Variants in GALNT15 observed in about 807,000 individuals in gnomAD.
GALNT15 encodes the protein polypeptide N-acetylgalactosaminyltransferase 15.
A neutral mutation model predicts 66.8 loss-of-function variants in GALNT15; 67 were observed. The observed-to-expected ratio is 1.00, with a 90% CI of 0.82 to 1.23. The LOEUF (loss-of-function observed/expected upper bound fraction) is 1.23, where lower values mean the gene tolerates loss of function less well. Ranked by LOEUF, GALNT15 falls within the 50% of genes most tolerant of loss-of-function variation. The pLI is 0.00. For missense variants in GALNT15, 827 were observed against 804.3 expected (o/e 1.03, Z -0.34); for synonymous variants, 313 against 311.5 (o/e 1.00, Z -0.05).
At position 16,181,712 on chromosome 3, in the gene GALNT15, G is replaced by A. The variant is rs2063473198; in HGVS notation, c.539+6022G>A. Among the ~76,000 whole-genome samples, 1 of 152,118 alleles carries A rather than the reference G, an allele frequency of 6.6e-6. No homozygotes were observed. The highest frequency in any genetic ancestry group is 1.5e-5 in the Non-Finnish European group (1 of 68,026). On this transcript the variant is annotated intron_variant, in intron 1 of 9. Transcript: ENST00000339732. This position sits in a 1 kb window ranked among gnomAD's most constrained non-coding sequence, Gnocchi z 5.9. ...GAGCAGACATGCCCTTCGGGATGAG[G>A]GACAAGAACAGGAACAAGCTGGGCT... is the stretch of plus-strand genomic sequence containing the variant.
At position 16,227,393 on chromosome 3, in the gene GALNT15, G is replaced by C; in HGVS notation, c.1813G>C (p.Glu605Gln). 6.2e-7 allele frequency: 1 copy of C among 1,613,950 alleles called. No individual in the cohort carries two copies. Among genetic ancestry groups the C allele is most frequent in the Non-Finnish European group, 8.5e-7 (1 of 1,179,980 alleles). ...CCACATTCTTTCTGGGAAATGCATG[G>C]AAGCTGTGGTGCAAGAAAACAATAA... ...IVHILSGKCM[E>Q]AVVQENNKDL... Residue 605 changes from glutamate to glutamine, a missense_variant, in exon 10 of 10, where the codon GAA (glutamate) becomes CAA (glutamine). By Grantham distance (29) the Glu-to-Gln change is conservative (BLOSUM62 2). Transcript: ENST00000339732. The surrounding 1 kb of genome is among the most constrained non-coding windows in gnomAD (Gnocchi z 4.5).
In GALNT15 at chr3:16,212,323, G is replaced by T. The variant is rs528954535; in HGVS notation, c.1198-246G>T. ...TGAAGGGCAGCATATTCAGGTAGTT[G>T]CCTGGGGATGGCCCTCTTGTCCCCA... is the stretch of plus-strand genomic sequence containing the variant. On this transcript the variant is annotated intron_variant, in intron 5 of 9. Coordinates refer to ENST00000339732, the MANE Select transcript of GALNT15 (RefSeq NM_054110.5). 5.9e-5 allele frequency among the ~76,000 whole-genome samples: 9 copies of T among 152,226 alleles called. No individual in the cohort carries two copies. The South Asian group carries it at 8.3e-4, about 14-fold the overall frequency.
Position 16,227,558 on chromosome 3 carries a change from C to A in GALNT15, c.*58C>A. On this transcript the variant is annotated 3_prime_UTR_variant, in exon 10 of 10. Coordinates refer to ENST00000339732, the MANE Select transcript of GALNT15 (RefSeq NM_054110.5). This position sits in a 1 kb window ranked among gnomAD's most constrained non-coding sequence, Gnocchi z 4.5. ...CCATCAAAATCCAGCTCCAAGTGAACTTAAAGAGCTTATATATTTCATGAA... is the reference window on the plus strand; with the variant it reads ...CCATCAAAATCCAGCTCCAAGTGAAATTAAAGAGCTTATATATTTCATGAA... The A allele has an allele frequency of 1.2e-6, 2 of 1,613,292 alleles. No individual in the cohort carries two copies. Among genetic ancestry groups the A allele is most frequent in the Non-Finnish European group, 8.5e-7 (1 of 1,179,708 alleles).
At chr3:16,214,738 G>A (rs2124891306) in intron 6 of GALNT15, among the ~76,000 whole-genome samples, 1 of 152,232 alleles carries the variant, frequency 6.6e-6, no homozygotes, top group Non-Finnish European at 1.5e-5. Flanking sequence ...TCTTTTCAGG[G>A]GAGGTCACAT....
intron 8 of GALNT15, among the ~76,000 whole-genome samples, chr3:16,220,618 C>T (rs894740153): frequency 2.0e-5 from 3 of 152,234 alleles, no homozygotes; most frequent in African/African-American, 7.2e-5. Flanking sequence ...TAGCTTGTCC[C>T]CAAGTCTCTC....
At position 16,196,961 on chromosome 3, in the gene GALNT15, A is replaced by G. The variant is rs994333724; in HGVS notation, c.706+1035A>G. Among the ~76,000 whole-genome samples the G allele has an allele frequency of 2.0e-5, 3 of 152,192 alleles. No homozygotes were observed. In the East Asian group the frequency reaches 5.8e-4, roughly 29 times the overall value. ...CGGTCCTCACTCCAGGGATGGGCCT[A>G]GCCTGGCCATAGCAGTGAGTCAGAT... On this transcript the variant is annotated intron_variant, in intron 2 of 9. Transcript: ENST00000339732.
chr3:16,206,162 G>A (rs2063754299), intron 3 of GALNT15, among the ~76,000 whole-genome samples: 1 of 152,100 alleles, frequency 6.6e-6, no homozygotes, highest in Non-Finnish European at 1.5e-5. Context: ...AGATCACTTT[G>A]AGCTCAGGAG....
Position 16,200,548 on chromosome 3 carries a change from G to A in GALNT15, c.707-71G>A, listed in dbSNP as rs1157828294. The A allele has an allele frequency of 2.4e-5, 30 of 1,252,800 alleles. No homozygotes were observed. Among genetic ancestry groups the A allele is most frequent in the South Asian group, 5.3e-5 (3 of 56,980 alleles). The allele number at this position is 1,252,800 out of a possible 1,614,324, so 77.6% of individuals were successfully genotyped here. ...CAGCTTCCAAAAGAGAGTTGCTGAC[G>A]ATTGTCTTAGTCACAATCTCATCGG... is the stretch of plus-strand genomic sequence containing the variant. On this transcript the variant is annotated intron_variant, in intron 2 of 9. Coordinates refer to ENST00000339732, the MANE Select transcript of GALNT15 (RefSeq NM_054110.5). This position sits in a 1 kb window ranked among gnomAD's most constrained non-coding sequence, Gnocchi z 4.4.
rs1164976010 is a variant in GALNT15 at position 16,203,543 on chromosome 3, T to TCACA, written c.911+2763_911+2766dup. Among the ~76,000 whole-genome samples the TCACA allele has an allele frequency of 0.041, 2,487 of 60,918 alleles. 88 individuals are homozygous for TCACA. Among genetic ancestry groups the TCACA allele is most frequent in the African/African-American group, 0.082 (1,484 of 18,188 alleles). 40.0% of individuals were successfully genotyped at this position (60,918 alleles called of 152,430 possible). A position where few individuals can be genotyped will look rare whatever the true frequency, so the allele number is the denominator to read the frequency against. On this transcript the variant is annotated intron_variant, in intron 3 of 9. Coordinates refer to ENST00000339732, the MANE Select transcript of GALNT15 (RefSeq NM_054110.5). The surrounding 1 kb of genome is among the most constrained non-coding windows in gnomAD (Gnocchi z 6.2). ...CATTCTCTCTCTCTCTCTCTCTCTC[T>TCACA]CACACACACACACACACACACACAC...
rs1292546938 is a variant in GALNT15, at chr3:16,200,132, G to A, written c.707-487G>A. Among the ~76,000 whole-genome samples, 4 of 152,038 alleles carry A rather than the reference G, an allele frequency of 2.6e-5. No homozygotes were observed. The East Asian group carries it at 5.8e-4, about 22-fold the overall frequency. ...GTGAGAGAAAGAGAGAGAGAGAGGA[G>A]GAAAAACTATCAAACACTTATATAA... On this transcript the variant is annotated intron_variant, in intron 2 of 9. Coordinates refer to ENST00000339732, the MANE Select transcript of GALNT15 (RefSeq NM_054110.5). This position sits in a 1 kb window ranked among gnomAD's most constrained non-coding sequence, Gnocchi z 4.4.
At chr3:16,232,512 T>TAAATA (rs56354612), downstream of GALNT15, among the ~76,000 whole-genome samples, 1 of 40,210 alleles carries the variant, frequency 2.5e-5, no homozygotes, top group African/African-American at 9.4e-5. Flanking sequence ...ATATATATAT[T>TAAATA]TATTTAAAAG....
Position 16,187,365 on chromosome 3 carries a change from G to A in GALNT15, c.540-8395G>A, listed in dbSNP as rs973541878. 2.0e-5 allele frequency among the ~76,000 whole-genome samples: 3 copies of A among 152,202 alleles called. No homozygotes were observed. The highest frequency in any genetic ancestry group is 1.3e-4 in the Admixed American group (2 of 15,284). Reference sequence around the variant, plus strand: ...CAGTTCTTCTGCTGATCTCCCCTGGGTTCACCCCTGTGGCTGCCATCAGAG... The same window carrying A: ...CAGTTCTTCTGCTGATCTCCCCTGGATTCACCCCTGTGGCTGCCATCAGAG... On this transcript the variant is annotated intron_variant, in intron 1 of 9. Coordinates refer to ENST00000339732, the MANE Select transcript of GALNT15 (RefSeq NM_054110.5). The surrounding 1 kb of genome is among the most constrained non-coding windows in gnomAD (Gnocchi z 5.1).
At chr3:16,233,639 C>T (rs1027205416), downstream of GALNT15, among the ~76,000 whole-genome samples, 1 of 152,112 alleles carries the variant, frequency 6.6e-6, no homozygotes, top group Non-Finnish European at 1.5e-5. Flanking sequence ...TTTCCAGCAC[C>T]AGGTTTTTGT....
intron 1 of GALNT15, among the ~76,000 whole-genome samples, chr3:16,185,993 C>G (rs1369321009): frequency 1.3e-5 from 2 of 151,948 alleles, no homozygotes; most frequent in African/African-American, 4.8e-5. Flanking sequence ...AAGATGTCAT[C>G]AAGAAAGTGA....
rs1476119153 is a variant in GALNT15, at chr3:16,209,602, G to A, written c.1079+932G>A. Among the ~76,000 whole-genome samples the A allele has an allele frequency of 6.6e-6, 1 of 152,120 alleles. No individual in the cohort carries two copies. The highest frequency in any genetic ancestry group is 2.4e-5 in the African/African-American group (1 of 41,404). On this transcript the variant is annotated intron_variant, in intron 4 of 9. Coordinates refer to ENST00000339732, the MANE Select transcript of GALNT15 (RefSeq NM_054110.5). This position sits in a 1 kb window ranked among gnomAD's most constrained non-coding sequence, Gnocchi z 4.1. ...GGAGGCAGAGGCGGGCTGATCACTC[G>A]AGGCCAGGAGTTCGAGACCAACCTG...
chr3:16,246,380 C>T, the GALNT15 span, among the ~76,000 whole-genome samples: 2 of 132,314 alleles, frequency 1.5e-5, no homozygotes, highest in African/African-American at 6.0e-5. Context: ...GGCTGGAGTG[C>T]AGTGGTGCAA....
Position 16,229,766 on chromosome 3 carries a change from AT to A in GALNT15, c.*2268del. On this transcript the variant is annotated 3_prime_UTR_variant, in exon 10 of 10. Coordinates refer to ENST00000339732, the MANE Select transcript of GALNT15 (RefSeq NM_054110.5). The stretch of plus-strand genomic sequence containing the variant: ...ATTGCATAAATTGTATTAGGTGGCA[AT>A]TAACAAAAGGACCCAGATGGCTTAT... 1 of 980,238 alleles carries A rather than the reference AT, an allele frequency of 1.0e-6. No individual in the cohort carries two copies. The highest frequency in any genetic ancestry group is 1.2e-6 in the Non-Finnish European group (1 of 825,228). 60.7% of individuals were successfully genotyped at this position (980,238 alleles called of 1,614,324 possible).
At chr3:16,202,695 G>A (rs1371768613) in intron 3 of GALNT15, among the ~76,000 whole-genome samples, 1 of 152,184 alleles carries the variant, frequency 6.6e-6, no homozygotes, top group Admixed American at 6.5e-5. Context: ...TTCATGCAAA[G>A]GGCCATCTTG....
downstream of GALNT15, among the ~76,000 whole-genome samples, chr3:16,230,623 G>A (rs2064073072): frequency 1.3e-5 from 2 of 152,080 alleles, no homozygotes; most frequent in Admixed American, 6.5e-5. This position sits in a 1 kb window ranked among gnomAD's most constrained non-coding sequence, Gnocchi z 4.5. Flanking sequence ...TACATAATAT[G>A]TAGAGTTGTG....
Sources: allele counts gnomAD v4.1 joint callset (sites outside exome capture counted in the v4.1 genomes callset), GRCh38; gene constraint gnomAD v4.1.1; non-coding constraint Gnocchi (gnomAD v3.1); transcripts MANE v1.5; gene names NCBI Gene and HGNC (gene_info 2026-07-23, HGNC 2026-07-21).